Variants in RBFOX1 observed in about 807,000 individuals in gnomAD.
RBFOX1 encodes the protein RNA binding fox-1 homolog 1, also known as RNA binding protein fox-1 homolog 1.
A neutral mutation model predicts 57.7 loss-of-function variants in RBFOX1; 8 were observed. The ratio of observed to expected loss-of-function variants is 0.14; its 90% CI spans 0.08 to 0.25. RBFOX1 has a LOEUF of 0.25. Ranked by LOEUF, RBFOX1 falls within the 10% of genes least tolerant of loss-of-function variation. The pLI, the probability that RBFOX1 is intolerant of heterozygous loss-of-function variation, is 1.00. For missense variants in RBFOX1, 611 were observed against 548.5 expected (o/e 1.11, Z -1.14); for synonymous variants, 326 against 222.4 (o/e 1.47, Z -4.15).
chr16:6,002,029 TGATTTCAGCCCCTGG>T (rs2060609699), intron 4 of RBFOX1, among the ~76,000 whole-genome samples: 2 of 151,236 alleles, frequency 1.3e-5, no homozygotes, highest in South Asian at 4.2e-4. Flanking sequence ...TGCCGTGGCA[TGATTTCAGCCCCTGG>T]GCTGAAATCT....
At chr16:5,396,598 C>T (rs193089522) in intron 1 of RBFOX1, among the ~76,000 whole-genome samples, 42 of 152,212 alleles carry the variant, frequency 2.8e-4, no homozygotes, top group Non-Finnish European at 4.0e-4. Flanking sequence ...GCTGAGATCA[C>T]GCCATTCCAC....
intron 5 of RBFOX1, among the ~76,000 whole-genome samples, chr16:7,537,931 G>A (rs1183447235): frequency 6.6e-6 from 1 of 152,172 alleles, no homozygotes; most frequent in Non-Finnish European, 1.5e-5. Context: ...TCTGCCTTTT[G>A]GGCATTGATC....
intron 3 of RBFOX1, among the ~76,000 whole-genome samples, chr16:6,735,465 A>C (rs1246043798): frequency 6.6e-6 from 1 of 152,206 alleles, no homozygotes; most frequent in African/African-American, 2.4e-5. Flanking sequence ...CCTGTCGGAG[A>C]CTAAATCTTC....
intron 10 of RBFOX1, among the ~76,000 whole-genome samples, chr16:7,626,126 A>G (rs139209242): frequency 2.3e-3 from 356 of 152,380 alleles, no homozygotes; most frequent in South Asian, 8.1e-3. Context: ...CTGGAAAAAG[A>G]CAAAGCCTCT....
intron 2 of RBFOX1, among the ~76,000 whole-genome samples, chr16:5,558,290 A>T (rs1209613162): frequency 6.6e-6 from 1 of 152,242 alleles, no homozygotes. Context: ...GCACACTGTA[A>T]CACACGCCTA....
chr16:7,144,182 G>C (rs2074418464), intron 4 of RBFOX1, among the ~76,000 whole-genome samples: 2 of 152,142 alleles, frequency 1.3e-5, no homozygotes, highest in Admixed American at 1.3e-4. Flanking sequence ...GACATGGATA[G>C]ACGGATAGAC....
chr16:6,718,648 G>C (rs962621238), intron 3 of RBFOX1, among the ~76,000 whole-genome samples: 4 of 152,150 alleles, frequency 2.6e-5, no homozygotes, highest in Admixed American at 2.6e-4. Context: ...TCGATCATGG[G>C]AACGGACTTC....
chr16:7,369,471 A>G (rs565536492), intron 4 of RBFOX1, among the ~76,000 whole-genome samples: 4 of 152,296 alleles, frequency 2.6e-5, no homozygotes, highest in Admixed American at 2.0e-4. Flanking sequence ...ACCAAGATGA[A>G]TAATAATGAG....
At chr16:6,526,716 G>A (rs2048529418) in intron 2 of RBFOX1, among the ~76,000 whole-genome samples, 1 of 150,254 alleles carries the variant, frequency 6.7e-6, no homozygotes, top group Non-Finnish European at 1.5e-5. Flanking sequence ...TGTAGTCCCA[G>A]CTACTAGGGA....
At chr16:7,185,518 C>G (rs2083546293) in intron 4 of RBFOX1, among the ~76,000 whole-genome samples, 2 of 152,172 alleles carry the variant, frequency 1.3e-5, no homozygotes, top group Non-Finnish European at 2.9e-5. Flanking sequence ...CTTATGATAA[C>G]ATGGATCACC....
chr16:5,997,775 G>C (rs530425558), intron 4 of RBFOX1, among the ~76,000 whole-genome samples: 1 of 152,312 alleles, frequency 6.6e-6, no homozygotes, highest in South Asian at 2.1e-4. Flanking sequence ...TCAACTAGGA[G>C]ATCATCAAAT....
rs551735333 is a variant in RBFOX1 at position 7,002,540 on chromosome 16, C to T, written c.-15-49517C>T. ...CAGCCTGGCCAAAATGGTGAAACCC[C>T]GTCTCTACTAAAAATACAAAAATTT... is the stretch of plus-strand genomic sequence containing the variant. On this transcript the variant is annotated intron_variant, in intron 3 of 15. Coordinates refer to ENST00000550418, the MANE Select transcript of RBFOX1 (RefSeq NM_018723.4). 2.6e-4 allele frequency among the ~76,000 whole-genome samples: 39 copies of T among 152,112 alleles called. 1 individual carries two copies. In the South Asian group the frequency reaches 7.5e-3, roughly 29 times the overall value.
intron 3 of RBFOX1, among the ~76,000 whole-genome samples, chr16:6,987,051 G>A: frequency 6.6e-6 from 1 of 152,070 alleles, no homozygotes; most frequent in East Asian, 1.9e-4. Context: ...CTTGTGGAGA[G>A]CCTGCCCTCT....
At chr16:7,670,064 C>T (rs1428590883) in intron 13 of RBFOX1, among the ~76,000 whole-genome samples, 2 of 152,284 alleles carry the variant, frequency 1.3e-5, no homozygotes, top group African/African-American at 2.4e-5. Context: ...CATAGCCTCC[C>T]TGTATCACCC....
At chr16:6,258,636 T>G (rs2097683378) in intron 1 of RBFOX1, among the ~76,000 whole-genome samples, 1 of 152,218 alleles carries the variant, frequency 6.6e-6, no homozygotes, top group Non-Finnish European at 1.5e-5. Flanking sequence ...CATCTTGTCC[T>G]GCAATATTTT....
intron 1 of RBFOX1, among the ~76,000 whole-genome samples, chr16:6,255,623 G>A (rs1598865216): frequency 6.6e-6 from 1 of 152,098 alleles, no homozygotes; most frequent in African/African-American, 2.4e-5. Context: ...AAAGTCCACA[G>A]AGAAGTGGTG....
At chr16:6,679,394 A>C (rs1476859520) in intron 3 of RBFOX1, among the ~76,000 whole-genome samples, 1 of 152,118 alleles carries the variant, frequency 6.6e-6, no homozygotes, top group Non-Finnish European at 1.5e-5. Flanking sequence ...GGTGATGGAA[A>C]GGGGAGACTT....
intron 4 of RBFOX1, among the ~76,000 whole-genome samples, chr16:5,954,999 A>G (rs2059594927): frequency 6.6e-6 from 1 of 150,854 alleles, no homozygotes; most frequent in South Asian, 2.1e-4. Context: ...CAGTCTTTCT[A>G]GCTGGACGTG....
chr16:6,260,960 T>A (rs901072347), intron 1 of RBFOX1, among the ~76,000 whole-genome samples: 6 of 152,196 alleles, frequency 3.9e-5, no homozygotes, highest in Admixed American at 2.0e-4. Context: ...AGGAGAGTAA[T>A]GTTGATTTTC....
Sources: gnomAD v4.1 joint callset for allele counts (sites outside exome capture counted in the v4.1 genomes callset) on GRCh38, gnomAD v4.1.1 for gene constraint, MANE v1.5 for transcripts, NCBI Gene and HGNC (gene_info 2026-07-23, HGNC 2026-07-21) for gene names.